Variants in LRP2 observed in about 807,000 individuals in gnomAD.
LRP2 encodes low-density lipoprotein receptor-related protein 2.
LRP2 carries 172 observed loss-of-function variants against 531.0 expected under a neutral mutation model. The ratio of observed to expected loss-of-function variants is 0.32; its 90% CI spans 0.29 to 0.37. The LOEUF is 0.37. Ranked by LOEUF, LRP2 falls within the 10% of genes least tolerant of loss-of-function variation. The probability of loss-of-function intolerance (pLI) is 1.00; values close to 1 mark genes in which losing one functional copy is unlikely to be tolerated. For missense variants in LRP2, 5,167 were observed against 5,868.3 expected (o/e 0.88, Z 3.90); for synonymous variants, 1,992 against 2,027.6 (o/e 0.98, Z 0.47).
intron 53 of LRP2, 94 bp from the exon 54 acceptor site, chr2:169,176,682 C>T (rs1687206965): frequency 9.2e-7 from 1 of 1,082,828 alleles, no homozygotes; most frequent in Non-Finnish European, 1.4e-6. Context: ...AAACTCATCA[C>T]CTCTTAGTAA....
chr2:169,266,896 T>C (rs1574199629), intron 16 of LRP2, among the ~76,000 whole-genome samples: 1 of 149,836 alleles, frequency 6.7e-6, no homozygotes, highest in South Asian at 2.2e-4. Flanking sequence ...TTTTTTTTTT[T>C]TTTTTTTCCG....
chr2:169,157,897 CGATA>C (rs935347967), intron 63 of LRP2, among the ~76,000 whole-genome samples: 11 of 130,344 alleles, frequency 8.4e-5, no homozygotes, highest in South Asian at 2.5e-4. Flanking sequence ...GATGATAGAT[CGATA>C]GATAGATAAC....
At chr2:169,304,518 T>TA (rs1684363944) in intron 4 of LRP2, among the ~76,000 whole-genome samples, 2 of 152,328 alleles carry the variant, frequency 1.3e-5, no homozygotes, top group East Asian at 3.9e-4. Flanking sequence ...ACATATGGTT[T>TA]ATCATTATTA....
intron 67 of LRP2, among the ~76,000 whole-genome samples, chr2:169,152,254 A>G (rs754144138): frequency 1.3e-5 from 2 of 152,158 alleles, no homozygotes; most frequent in Admixed American, 6.5e-5. Context: ...ACCTCTATTA[A>G]CTCAATTCCA....
intron 46 of LRP2, among the ~76,000 whole-genome samples, chr2:169,195,152 T>C (rs1215425547): frequency 6.6e-6 from 1 of 152,190 alleles, no homozygotes; most frequent in Non-Finnish European, 1.5e-5. Context: ...GGAAACAACC[T>C]AAATGTCCAA....
chr2:169,226,587 A>G lies in LRP2; in HGVS notation c.5229T>C (p.Asp1743=). 18 of 1,607,090 alleles carry G rather than the reference A, an allele frequency of 1.1e-5. No homozygotes were observed. The highest frequency in any genetic ancestry group is 1.4e-5 in the Non-Finnish European group (17 of 1,174,064). Residue 1743 remains aspartate (D), a splice_region_variant and synonymous_variant, in exon 32 of 79, where the codon GAT becomes GAC. Coordinates refer to ENST00000649046, the MANE Select transcript of LRP2 (RefSeq NM_004525.3). ...TTACAGTTATTAAGAAAGGTTGATC[A>G]TCTGTGAAAATAGAAGAATATCAGT... The part of the protein sequence containing the change: ...LSPDLLNCLR[D]DQPFLITVRQ...
chr2:169,222,393 C>T (rs1195280624), intron 33 of LRP2, among the ~76,000 whole-genome samples: 2 of 152,190 alleles, frequency 1.3e-5, no homozygotes, highest in African/African-American at 4.8e-5. Flanking sequence ...GGTCGAATAG[C>T]TCATGAGTGG....
chr2:169,224,117 G>A (rs1322679085), intron 33 of LRP2, among the ~76,000 whole-genome samples: 1 of 152,174 alleles, frequency 6.6e-6, no homozygotes, highest in Non-Finnish European at 1.5e-5. Flanking sequence ...GTGCTTTTTA[G>A]TATAGATAGG....
In LRP2 at chr2:169,202,902, T is replaced by C. The variant is rs1688249801; in HGVS notation, c.8063A>G (p.Asn2688Ser). Reference sequence around the variant, plus strand: ...ATTGTCCACAATGCAGTGCTTCCTGTTGTTGGCCAAATACCAGTTGCCCTC... The same window carrying C: ...ATTGTCCACAATGCAGTGCTTCCTGCTGTTGGCCAAATACCAGTTGCCCTC... Reference protein sequence around the residue: ...PHEGNWYLANNRKHCIVDNGE... With the variant: ...PHEGNWYLANSRKHCIVDNGE... Residue 2688 changes from asparagine to serine, a missense_variant, in exon 43 of 79, where the codon AAC (asparagine) becomes AGC (serine). Asn to Ser is a conservative substitution (Grantham distance 46). Around this residue, in one of 6 missense-constraint regions of LRP2, gnomAD observed 1,129 missense variants for 1,362.7 expected, o/e 0.83. Transcript: ENST00000649046. 3 of 1,614,242 alleles carry C rather than the reference T, an allele frequency of 1.9e-6. No homozygotes were observed. The highest frequency in any genetic ancestry group is 1.3e-5 in the African/African-American group (1 of 75,068).
Position 169,191,867 on chromosome 2 carries a change from G to A in LRP2, c.8997C>T (p.Thr2999=). Residue 2999 remains threonine, a synonymous_variant, in exon 48 of 79, where the codon ACC becomes ACT. Transcript: ENST00000649046. ...TTGGGATACACAGTCCGTAACCACAGGTGAATTCATTTTCAGAGCAAGTTC... is the reference window on the plus strand; with the variant it reads ...TTGGGATACACAGTCCGTAACCACAAGTGAATTCATTTTCAGAGCAAGTTC... The part of the protein sequence containing the change: ...TRRTCSENEF[T]CGYGLCIPKI... 2 of 1,614,116 alleles carry A rather than the reference G, an allele frequency of 1.2e-6. No homozygotes were observed. Among genetic ancestry groups the A allele is most frequent in the Non-Finnish European group, 1.7e-6 (2 of 1,180,006 alleles).
intron 63 of LRP2, among the ~76,000 whole-genome samples, chr2:169,157,832 C>T (rs1260408348): frequency 6.6e-6 from 1 of 151,512 alleles, no homozygotes; most frequent in African/African-American, 2.4e-5. Flanking sequence ...ACCACCTGCT[C>T]TACTATCTTT....
At position 169,170,571 on chromosome 2, in the gene LRP2, T is replaced by C. The variant is rs767660377; in HGVS notation, c.11360A>G (p.Asn3787Ser). ...GTTACCACAGTCCCGTTCATCTGAG[T>C]TGTCCCCACAGTCGTTGTAATGGTC... ...ICDHYNDCGDNSDERDCEMRT... is the reference protein window; with the variant it reads ...ICDHYNDCGDSSDERDCEMRT... Residue 3787 changes from asparagine (N) to serine (S), a missense_variant, in exon 59 of 79, where the codon AAC (asparagine) becomes AGC (serine). By Grantham distance (46) the Asn-to-Ser change is conservative. Coordinates refer to ENST00000649046, the MANE Select transcript of LRP2 (RefSeq NM_004525.3). 6.2e-7 allele frequency: 1 copy of C among 1,614,026 alleles called. No homozygotes were observed. Among genetic ancestry groups the C allele is most frequent in the Non-Finnish European group, 8.5e-7 (1 of 1,179,872 alleles).
rs1470116972 is a variant in LRP2 at position 169,287,850 on chromosome 2, T to TTAAAATA, written c.1042+1175_1042+1176insTATTTTA. On this transcript the variant is annotated intron_variant, in intron 9 of 78. Coordinates refer to ENST00000649046, the MANE Select transcript of LRP2 (RefSeq NM_004525.3). ...GTTCTAAAATATTAAAATTTTAATATTTTAATATTAAAATTTTAATATTTT... is the reference window on the plus strand; with the variant it reads ...GTTCTAAAATATTAAAATTTTAATATTAAAATATTTAATATTAAAATTTTAATATTTT... Among the ~76,000 whole-genome samples the TTAAAATA allele has an allele frequency of 3.2e-3, 295 of 91,136 alleles. 1 individual carries two copies. The highest frequency in any genetic ancestry group is 0.01 in the African/African-American group (277 of 26,836). 59.8% of individuals were successfully genotyped at this position (91,136 alleles called of 152,430 possible). A position where few individuals can be genotyped will look rare whatever the true frequency, so the allele number is the denominator to read the frequency against.
chr2:169,292,548 A>T (rs1167463899), intron 6 of LRP2, among the ~76,000 whole-genome samples, 179 bp from the exon 7 acceptor site: 2 of 152,224 alleles, frequency 1.3e-5, no homozygotes, highest in Admixed American at 1.3e-4. Context: ...AGAAAGAAGA[A>T]GATAACAGCA....
chr2:169,186,578 C>T (rs1266992263), intron 49 of LRP2, among the ~76,000 whole-genome samples: 1 of 152,204 alleles, frequency 6.6e-6, no homozygotes, highest in Non-Finnish European at 1.5e-5. Flanking sequence ...CATCAAGGAG[C>T]AATAGATTAA....
intron 1 of LRP2, among the ~76,000 whole-genome samples, chr2:169,349,070 G>C (rs971246666): frequency 6.6e-6 from 1 of 152,052 alleles, no homozygotes; most frequent in African/African-American, 2.4e-5. Context: ...TGGACACTAG[G>C]GAAAGCAATG....
intron 15 of LRP2, among the ~76,000 whole-genome samples, chr2:169,272,618 C>A (rs1226350900): frequency 2.0e-5 from 3 of 152,016 alleles, no homozygotes; most frequent in Admixed American, 6.6e-5. Flanking sequence ...TATGGAATTT[C>A]AAGATCATAG....
intron 50 of LRP2, among the ~76,000 whole-genome samples, chr2:169,184,977 T>C (rs1244245930): frequency 6.6e-6 from 1 of 152,136 alleles, no homozygotes; most frequent in Non-Finnish European, 1.5e-5. Flanking sequence ...CCCAGGCTGG[T>C]CTTGAACTTC....
At chr2:169,286,921 G>A in intron 9 of LRP2, among the ~76,000 whole-genome samples, 1 of 152,174 alleles carries the variant, frequency 6.6e-6, no homozygotes, top group South Asian at 2.1e-4. Flanking sequence ...AAGAGAAAAG[G>A]AAAATGCCTA....
Sources: allele counts gnomAD v4.1 joint callset (sites outside exome capture counted in the v4.1 genomes callset), GRCh38; gene constraint gnomAD v4.1.1; regional missense constraint gnomAD v4.1.1; transcripts MANE v1.5; gene names NCBI Gene and HGNC (gene_info 2026-07-23, HGNC 2026-07-21).